Variants in PLCXD3 observed in about 807,000 individuals in gnomAD.
PLCXD3 encodes phosphatidylinositol specific phospholipase C X domain containing 3.
Under a neutral mutation model 25.5 loss-of-function variants are expected in PLCXD3, and 19 were observed. The observed-to-expected ratio is 0.75, with a 90% CI of 0.52 to 1.09. PLCXD3 has a LOEUF of 1.09. Ranked by LOEUF, PLCXD3 falls within the 50% of genes least tolerant of loss-of-function variation. PLCXD3 has a pLI of 0.00. For missense variants in PLCXD3, 411 were observed against 388.1 expected (o/e 1.06, Z -0.50); for synonymous variants, 174 against 137.6 (o/e 1.26, Z -1.85).
At chr5:41,333,009 G>A (rs967898372) in intron 2 of PLCXD3, among the ~76,000 whole-genome samples, 21 of 152,000 alleles carry the variant, frequency 1.4e-4, no homozygotes, top group Non-Finnish European at 2.2e-4. Flanking sequence ...ACGAGTTAAC[G>A]GGTGCAGCAC....
chr5:41,398,258 C>T (rs1167328392), intron 1 of PLCXD3, among the ~76,000 whole-genome samples: 2 of 152,132 alleles, frequency 1.3e-5, no homozygotes, highest in Non-Finnish European at 1.5e-5. Flanking sequence ...GGATGGATTT[C>T]CCCCTGGCTG....
chr5:41,383,198 CAACAGCATTTAAAA>C (rs1372953339), intron 1 of PLCXD3, among the ~76,000 whole-genome samples: 3 of 152,126 alleles, frequency 2.0e-5, no homozygotes, highest in Admixed American at 6.5e-5. Context: ...TCTTGCAAGT[CAACAGCATTTAAAA>C]ATTAACAGCA....
intron 1 of PLCXD3, among the ~76,000 whole-genome samples, chr5:41,492,657 A>G (rs1384407660): frequency 6.6e-6 from 1 of 151,414 alleles, no homozygotes; most frequent in Non-Finnish European, 1.5e-5. Flanking sequence ...TTTTCTCTAA[A>G]CTTCCCTTCT....
At chr5:41,319,507 G>A (rs1313269228) in intron 2 of PLCXD3, among the ~76,000 whole-genome samples, 1 of 152,130 alleles carries the variant, frequency 6.6e-6, no homozygotes, top group African/African-American at 2.4e-5. Flanking sequence ...GCTCCTGAAT[G>A]ACCAGTGGGT....
intron 1 of PLCXD3, among the ~76,000 whole-genome samples, chr5:41,423,347 G>C (rs1746873750): frequency 6.6e-6 from 1 of 151,886 alleles, no homozygotes; most frequent in Non-Finnish European, 1.5e-5. Context: ...TGAATTTTCT[G>C]CTTCTAGTTG....
chr5:41,401,195 A>T (rs1033375549), intron 1 of PLCXD3, among the ~76,000 whole-genome samples: 1 of 152,040 alleles, frequency 6.6e-6, no homozygotes, highest in Non-Finnish European at 1.5e-5. Context: ...TCTTTTAAAC[A>T]GCAAAAGTTT....
chr5:41,379,903 G>A (rs1466347719), intron 2 of PLCXD3, among the ~76,000 whole-genome samples: 1 of 152,016 alleles, frequency 6.6e-6, no homozygotes, highest in Non-Finnish European at 1.5e-5. Flanking sequence ...AAATCATAGA[G>A]AAAGTCATGC....
chr5:41,368,942 C>A (rs1745015008), intron 2 of PLCXD3, among the ~76,000 whole-genome samples: 1 of 152,134 alleles, frequency 6.6e-6, no homozygotes, highest in African/African-American at 2.4e-5. Context: ...AATGTCGTTG[C>A]TCATGGTTTA....
intron 1 of PLCXD3, among the ~76,000 whole-genome samples, chr5:41,499,318 A>G (rs943064380): frequency 4.6e-5 from 7 of 151,772 alleles, no homozygotes; most frequent in Non-Finnish European, 8.9e-5. Context: ...TACAAAATCA[A>G]CATTAAAAAT....
chr5:41,484,380 G>C (rs775468431), intron 1 of PLCXD3, among the ~76,000 whole-genome samples: 2 of 151,990 alleles, frequency 1.3e-5, no homozygotes, highest in Non-Finnish European at 2.9e-5. Flanking sequence ...CTTTAGTTTT[G>C]AGCAACTTTT....
intron 2 of PLCXD3, among the ~76,000 whole-genome samples, chr5:41,345,700 A>G (rs1333097080): frequency 6.6e-6 from 1 of 151,756 alleles, no homozygotes; most frequent in East Asian, 1.9e-4. Flanking sequence ...ACACACACAC[A>G]CACACACACA....
intron 1 of PLCXD3, among the ~76,000 whole-genome samples, chr5:41,435,176 A>G (rs1747217551): frequency 6.6e-6 from 1 of 152,194 alleles, no homozygotes; most frequent in Admixed American, 6.5e-5. Flanking sequence ...TGCTTTTACC[A>G]CTTGTTCAAT....
At position 41,322,218 on chromosome 5, in the gene PLCXD3, TG is replaced by T. The variant is rs1743493048; in HGVS notation, c.813-8449del. Among the ~76,000 whole-genome samples, 5 of 152,236 alleles carry T rather than the reference TG, an allele frequency of 3.3e-5. No homozygotes were observed. The South Asian group carries it at 1.0e-3, about 32-fold the overall frequency. ...TAATAACCAGGATATATAAGGAACT[TG>T]AACAACTTTATAGGAAAAAAAGCTA... On this transcript the variant is annotated intron_variant, in intron 2 of 2. Coordinates refer to ENST00000377801, the MANE Select transcript of PLCXD3 (RefSeq NM_001005473.3).
At chr5:41,492,407 T>C (rs1748722767) in intron 1 of PLCXD3, among the ~76,000 whole-genome samples, 1 of 152,064 alleles carries the variant, frequency 6.6e-6, no homozygotes, top group South Asian at 2.1e-4. Context: ...CTGACAATTA[T>C]GTGTCTTGGA....
At chr5:41,432,611 G>C (rs993885564) in intron 1 of PLCXD3, among the ~76,000 whole-genome samples, 1 of 152,172 alleles carries the variant, frequency 6.6e-6, no homozygotes, top group Non-Finnish European at 1.5e-5. Flanking sequence ...AAGCACATAA[G>C]AGAGCCAGCT....
chr5:41,331,894 A>G (rs1410536986), intron 2 of PLCXD3, among the ~76,000 whole-genome samples: 4 of 152,244 alleles, frequency 2.6e-5, no homozygotes, highest in Admixed American at 2.0e-4. Context: ...AGCCATATGT[A>G]GAAAGCTGAA....
chr5:41,345,094 TTGAG>T (rs1175036657), intron 2 of PLCXD3, among the ~76,000 whole-genome samples: 1 of 152,190 alleles, frequency 6.6e-6, no homozygotes, highest in Non-Finnish European at 1.5e-5. Flanking sequence ...GGATATTGAT[TTGAG>T]TATTTTCTTT....
Position 41,372,294 on chromosome 5 carries a change from T to A in PLCXD3, c.812+9532A>T, listed in dbSNP as rs1745120668. Among the ~76,000 whole-genome samples, 4 of 133,252 alleles carry A rather than the reference T, an allele frequency of 3.0e-5. No homozygotes were observed. In the Admixed American group the frequency reaches 3.1e-4, roughly 10 times the overall value. The allele number at this position is 133,252 out of a possible 152,430, so 87.4% of individuals were successfully genotyped here. ...TGTATTCATTCTCTCTCTCTCTCTC[T>A]CTCTCACACACACACACACACACAC... On this transcript the variant is annotated intron_variant, in intron 2 of 2. Coordinates refer to ENST00000377801, the MANE Select transcript of PLCXD3 (RefSeq NM_001005473.3).
chr5:41,477,520 A>G (rs1380421130), intron 1 of PLCXD3, among the ~76,000 whole-genome samples: 8 of 152,118 alleles, frequency 5.3e-5, no homozygotes, highest in Non-Finnish European at 7.4e-5. Context: ...TTTAAAGAGT[A>G]CATCAAAGAA....
Sources: gnomAD v4.1 joint callset for allele counts (sites outside exome capture counted in the v4.1 genomes callset) on GRCh38, gnomAD v4.1.1 for gene constraint, MANE v1.5 for transcripts, NCBI Gene and HGNC (gene_info 2026-07-23, HGNC 2026-07-21) for gene names.